Variants in RASSF3 observed in about 807,000 individuals in gnomAD.
RASSF3 encodes ras association domain-containing protein 3.
RASSF3 carries 19 observed loss-of-function variants against 19.9 expected under a neutral mutation model. The ratio of observed to expected loss-of-function variants is 0.96; its 90% CI spans 0.67 to 1.40. The LOEUF is 1.40. Ranked by LOEUF, RASSF3 falls within the 40% of genes most tolerant of loss-of-function variation. The pLI is 0.00. For missense variants in RASSF3, 306 were observed against 289.8 expected, an observed-to-expected ratio of 1.06 and a Z score of -0.41; for synonymous variants, 110 against 104.2, an observed-to-expected ratio of 1.06 and a Z score of -0.34.
chr12:64,626,490 A>G (rs1178652790), intron 1 of RASSF3, among the ~76,000 whole-genome samples: 1 of 147,744 alleles, frequency 6.8e-6, no homozygotes, highest in Admixed American at 6.8e-5. Context: ...TCTTGTCTCA[A>G]AAAAAAAAAA....
intron 1 of RASSF3, among the ~76,000 whole-genome samples, chr12:64,520,815 T>C (rs1001255162): frequency 2.0e-5 from 3 of 151,990 alleles, no homozygotes; most frequent in Non-Finnish European, 2.9e-5. Context: ...CTGGGGAGTC[T>C]ACATTAAAGT....
rs1030893469 is a variant in RASSF3 at position 64,658,626 on chromosome 12, A to T, written c.112-26161A>T. Among the ~76,000 whole-genome samples the T allele has an allele frequency of 4.6e-5, 7 of 152,090 alleles. No homozygotes were observed. In the East Asian group the frequency reaches 9.6e-4, roughly 21 times the overall value. On this transcript the variant is annotated intron_variant, in intron 1 of 4. Coordinates refer to ENST00000542104, the MANE Select transcript of RASSF3 (RefSeq NM_178169.4). ...AGACCAGCCTGGACAACATAGTGAA[A>T]CCCTGTCTCTACTAAAAATACAAAA...
intron 1 of RASSF3, among the ~76,000 whole-genome samples, chr12:64,509,295 C>CA (rs1303652895): frequency 2.6e-5 from 4 of 151,900 alleles, no homozygotes; most frequent in African/African-American, 9.7e-5. Flanking sequence ...ACTAAAAATA[C>CA]AAAAATTAGC....
At chr12:64,622,583 A>G in intron 1 of RASSF3, 1 of 490,350 alleles carries the variant, frequency 2.0e-6, no homozygotes, top group Non-Finnish European at 4.1e-6. Flanking sequence ...AATCTCAATT[A>G]CTTTTGCACC....
intron 1 of RASSF3, among the ~76,000 whole-genome samples, chr12:64,519,532 T>A (rs1409389004): frequency 6.6e-6 from 1 of 152,150 alleles, no homozygotes; most frequent in African/African-American, 2.4e-5. Context: ...CTTTACATTT[T>A]ATTGGGATGT....
intron 1 of RASSF3, among the ~76,000 whole-genome samples, chr12:64,681,670 A>G (rs1336610073): frequency 6.6e-6 from 1 of 152,220 alleles, no homozygotes; most frequent in South Asian, 2.1e-4. Context: ...GTACCCAGCT[A>G]ATTGTGGATT....
chr12:64,583,393 G>T (rs1261361928), intron 2 of RASSF3, among the ~76,000 whole-genome samples: 1 of 152,160 alleles, frequency 6.6e-6, no homozygotes, highest in Admixed American at 6.5e-5. Context: ...AGGCCAATGG[G>T]GGTGGATCAC....
At chr12:64,567,110 G>C (rs556325462) in intron 2 of RASSF3, among the ~76,000 whole-genome samples, 6 of 152,302 alleles carry the variant, frequency 3.9e-5, no homozygotes, top group African/African-American at 1.4e-4. Flanking sequence ...AAAGAGGCCT[G>C]GTTAGAGGAA....
intron 1 of RASSF3, among the ~76,000 whole-genome samples, chr12:64,638,796 T>A (rs1871413662): frequency 6.6e-6 from 1 of 152,172 alleles, no homozygotes; most frequent in South Asian, 2.1e-4. Flanking sequence ...CTTCTATAGG[T>A]TGTTTCTGTT....
chr12:64,553,636 C>G (rs1302610281), intron 2 of RASSF3, among the ~76,000 whole-genome samples: 2 of 152,100 alleles, frequency 1.3e-5, no homozygotes, highest in East Asian at 1.9e-4. Flanking sequence ...AGGTGACCAT[C>G]CAGCCTCTAC....
At chr12:64,607,993 T>C (rs1035778768), upstream of RASSF3, among the ~76,000 whole-genome samples, 1 of 152,092 alleles carries the variant, frequency 6.6e-6, no homozygotes, top group African/African-American at 2.4e-5. Context: ...GGTCTTGAAC[T>C]CCTGGCTTCA....
At chr12:64,530,083 T>C (rs1868674566), upstream of RASSF3, among the ~76,000 whole-genome samples, 1 of 152,178 alleles carries the variant, frequency 6.6e-6, no homozygotes. Context: ...CCAGGTCCCT[T>C]TGTAATCCTT....
chr12:64,647,411 TC>T (rs1871774986), intron 1 of RASSF3, among the ~76,000 whole-genome samples: 1 of 137,258 alleles, frequency 7.3e-6, no homozygotes, highest in African/African-American at 2.6e-5. Flanking sequence ...AATTTTTTTT[TC>T]TTTTTTTTTT....
chr12:64,530,990 GTC>G (rs1341697737), upstream of RASSF3, among the ~76,000 whole-genome samples: 2 of 152,002 alleles, frequency 1.3e-5, no homozygotes, highest in Non-Finnish European at 2.9e-5. Context: ...TTTACTTTCA[GTC>G]TCTCGTCTTT....
At chr12:64,539,718 G>A (rs1263513552) in intron 1 of RASSF3, among the ~76,000 whole-genome samples, 2 of 151,994 alleles carry the variant, frequency 1.3e-5, no homozygotes, top group African/African-American at 2.4e-5. Flanking sequence ...TGAGGCTGCA[G>A]CAAGCTGTGA....
intron 1 of RASSF3, among the ~76,000 whole-genome samples, chr12:64,536,466 T>C (rs1418572356): frequency 1.3e-5 from 2 of 152,236 alleles, no homozygotes; most frequent in African/African-American, 4.8e-5. Context: ...AATTCCCTCT[T>C]AGAATACTGT....
chr12:64,609,266 C>T (rs1379324696), upstream of RASSF3: 2 of 152,160 alleles, frequency 1.3e-5, no homozygotes, highest in East Asian at 3.8e-4. Context: ...CCGAGTACTG[C>T]CTCCTACAGC....
downstream of RASSF3, among the ~76,000 whole-genome samples, chr12:64,546,522 G>GC (rs1565836791): frequency 5.9e-5 from 9 of 152,258 alleles, no homozygotes; most frequent in East Asian, 1.7e-3. Context: ...CACCCGCCTA[G>GC]GCCCCCCAAA....
chr12:64,668,388 C>G (rs1872593209), intron 1 of RASSF3, among the ~76,000 whole-genome samples: 1 of 152,030 alleles, frequency 6.6e-6, no homozygotes, highest in South Asian at 2.1e-4. Flanking sequence ...AATCAATTCT[C>G]CAGCCTTAGC....
Sources: gnomAD v4.1 joint callset for allele counts (sites outside exome capture counted in the v4.1 genomes callset) on GRCh38, gnomAD v4.1.1 for gene constraint, MANE v1.5 for transcripts, NCBI Gene and HGNC (gene_info 2026-07-23, HGNC 2026-07-21) for gene names.